The following ALMS1 variants were observed in gnomAD, a reference collection of about 807,000 sequenced individuals.
ALMS1 encodes ALMS1 centrosome and basal body associated protein, also known as centrosome-associated protein ALMS1.
A neutral mutation model predicts 352.2 loss-of-function variants in ALMS1; 271 were observed. That is an observed-to-expected ratio of 0.77 (90% CI 0.70 to 0.85). ALMS1 has a LOEUF of 0.85. ALMS1 is among the 40% of genes least tolerant of loss of function. ALMS1 has a pLI of 0.00. For missense variants in ALMS1, 5,445 were observed against 4,870.7 expected, an observed-to-expected ratio of 1.12 and a Z score of -3.51; for synonymous variants, 1,865 against 1,761.2, an observed-to-expected ratio of 1.06 and a Z score of -1.48.
intron 7 of ALMS1, among the ~76,000 whole-genome samples, chr2:73,445,172 A>C (rs1671785884): frequency 6.6e-6 from 1 of 152,188 alleles, no homozygotes; most frequent in Non-Finnish European, 1.5e-5. Flanking sequence ...TGACACAAAC[A>C]TACGATGTGT....
Position 73,442,627 on chromosome 2 carries a change from T to G in ALMS1, c.1433-5333T>G, listed in dbSNP as rs770520878. On this transcript the variant is annotated intron_variant, in intron 7 of 22. Transcript: ENST00000613296. ...AGAGTCTCGATGATTGTTTGCTAAC[T>G]GAAGAGTTCATCAGTTAGTGGTACA... Among the ~76,000 whole-genome samples, 57 of 152,344 alleles carry G rather than the reference T, an allele frequency of 3.7e-4. No homozygotes were observed. The Middle Eastern group carries it at 0.017, about 45-fold the overall frequency.
At chr2:73,478,496 T>A (rs911166334) in intron 9 of ALMS1, among the ~76,000 whole-genome samples, 3 of 152,308 alleles carry the variant, frequency 2.0e-5, no homozygotes, top group Non-Finnish European at 4.4e-5. Flanking sequence ...AGGTTTATGT[T>A]TCTCAAATTC....
chr2:73,487,079 G>A (rs961228005), intron 9 of ALMS1, among the ~76,000 whole-genome samples: 5 of 152,176 alleles, frequency 3.3e-5, no homozygotes, highest in African/African-American at 1.2e-4. Context: ...AAAGAAAAAT[G>A]TCACAGGATC....
intron 9 of ALMS1, among the ~76,000 whole-genome samples, chr2:73,465,471 G>T (rs942402663): frequency 3.9e-5 from 6 of 152,042 alleles, no homozygotes; most frequent in East Asian, 1.9e-4. Context: ...TCCTTACACC[G>T]TATACAAAAA....
chr2:73,477,976 G>T (rs1171701961), intron 9 of ALMS1, among the ~76,000 whole-genome samples: 2 of 152,044 alleles, frequency 1.3e-5, no homozygotes, highest in Non-Finnish European at 2.9e-5. Context: ...GGTTGCCCTG[G>T]CAATATGTAA....
At chr2:73,482,293 G>C (rs2103868706) in intron 9 of ALMS1, among the ~76,000 whole-genome samples, 1 of 152,304 alleles carries the variant, frequency 6.6e-6, no homozygotes, top group South Asian at 2.1e-4. Context: ...ATGAAGTGTT[G>C]TTGAATTTTG....
At chr2:73,542,492 C>T (rs570631210) in intron 12 of ALMS1, among the ~76,000 whole-genome samples, 1,986 of 152,220 alleles carry the variant, frequency 0.013, 46 homozygotes, top group African/African-American at 0.045. Flanking sequence ...CTATTCAACA[C>T]AGTGTTGGAA....
chr2:73,593,077 C>T (rs1465812654), intron 16 of ALMS1, among the ~76,000 whole-genome samples: 1 of 142,472 alleles, frequency 7.0e-6, no homozygotes, highest in Non-Finnish European at 1.5e-5. Context: ...CAGTGGGCTA[C>T]TCCACACCCA....
At chr2:73,401,346 T>C (rs1289882905) in intron 1 of ALMS1, among the ~76,000 whole-genome samples, 1 of 152,210 alleles carries the variant, frequency 6.6e-6, no homozygotes, top group East Asian at 1.9e-4. Context: ...ATTTTTTTCC[T>C]AATATATACA....
At chr2:73,394,649 C>G (rs944941225) in intron 1 of ALMS1, among the ~76,000 whole-genome samples, 3 of 152,076 alleles carry the variant, frequency 2.0e-5, no homozygotes, top group Non-Finnish European at 4.4e-5. Flanking sequence ...CGTGCCTGGC[C>G]TAATCATCTG....
chr2:73,388,700 A>G (rs1485385318), intron 1 of ALMS1, among the ~76,000 whole-genome samples: 2 of 152,210 alleles, frequency 1.3e-5, no homozygotes, highest in South Asian at 2.1e-4. Flanking sequence ...AATACATACT[A>G]CATTTTCTTT....
intron 21 of ALMS1, chr2:73,603,642 A>T (rs1168680674): frequency 1.8e-5 from 6 of 334,040 alleles, no homozygotes; most frequent in South Asian, 1.5e-4. Context: ...TGCAGATCAC[A>T]TGAGGTTAGG....
At chr2:73,598,802 T>A (rs188453635) in intron 16 of ALMS1, among the ~76,000 whole-genome samples, 29 of 152,204 alleles carry the variant, frequency 1.9e-4, no homozygotes, top group African/African-American at 6.0e-4. Flanking sequence ...ATCTTGTTAA[T>A]CATTTTGTCA....
intron 15 of ALMS1, among the ~76,000 whole-genome samples, chr2:73,564,814 A>G (rs544224691): frequency 6.6e-6 from 1 of 152,372 alleles, no homozygotes; most frequent in South Asian, 2.1e-4. Flanking sequence ...GGGGACAGTA[A>G]GAAAACTGCC....
At chr2:73,426,055 C>T (rs1446210008) in intron 5 of ALMS1, among the ~76,000 whole-genome samples, 1 of 152,166 alleles carries the variant, frequency 6.6e-6, no homozygotes, top group Non-Finnish European at 1.5e-5. Context: ...AAAGTCTGTT[C>T]CTTCTCTTGA....
chr2:73,489,534 C>T, intron 9 of ALMS1, 100 bp from the exon 10 acceptor site: 5 of 1,367,900 alleles, frequency 3.7e-6, no homozygotes, highest in Non-Finnish European at 4.1e-6. Flanking sequence ...CCTTCATGGT[C>T]TAATCTTAGC....
At chr2:73,581,940 C>T (rs1423073284) in intron 16 of ALMS1, among the ~76,000 whole-genome samples, 1 of 152,116 alleles carries the variant, frequency 6.6e-6, no homozygotes, top group African/African-American at 2.4e-5. Context: ...GACAGGGTTT[C>T]ACCACGTTGG....
chr2:73,439,131 T>TTA (rs34148895), intron 7 of ALMS1, among the ~76,000 whole-genome samples: 2 of 150,170 alleles, frequency 1.3e-5, no homozygotes, highest in African/African-American at 4.9e-5. Flanking sequence ...TTTTTTTTTT[T>TTA]AAATAAAGAT....
chr2:73,480,288 CATT>C (rs1228525805), intron 9 of ALMS1, among the ~76,000 whole-genome samples: 1 of 151,974 alleles, frequency 6.6e-6, no homozygotes, highest in African/African-American at 2.4e-5. Context: ...CATGTGATCT[CATT>C]GTTCAATTCC....
Sources: gnomAD v4.1 joint callset for allele counts (sites outside exome capture counted in the v4.1 genomes callset) on GRCh38, gnomAD v4.1.1 for gene constraint, MANE v1.5 for transcripts, NCBI Gene and HGNC (gene_info 2026-07-23, HGNC 2026-07-21) for gene names.